Variants in MASTL observed in about 807,000 individuals in gnomAD.
MASTL encodes microtubule associated serine/threonine kinase like, also known as serine/threonine-protein kinase greatwall.
In MASTL, 54 loss-of-function variants were observed where a neutral mutation model predicts 82.5. That is an observed-to-expected ratio of 0.65 (90% CI 0.53 to 0.82). The LOEUF is 0.82. MASTL is among the 40% of genes least tolerant of loss of function. The pLI is 0.00. For missense variants in MASTL, 950 were observed against 1,047.8 expected, an observed-to-expected ratio of 0.91 and a Z score of 1.29; for synonymous variants, 323 against 368.9, an observed-to-expected ratio of 0.88 and a Z score of 1.43.
intron 7 of MASTL, among the ~76,000 whole-genome samples, chr10:27,168,981 A>G (rs2057829057): frequency 6.6e-6 from 1 of 152,082 alleles, no homozygotes; most frequent in Admixed American, 6.6e-5. Context: ...CCAAGCACCA[A>G]TTTGCAATAT....
intron 11 of MASTL, among the ~76,000 whole-genome samples, chr10:27,181,976 G>A (rs12254121): frequency 0.1 from 15,634 of 151,438 alleles, 2,689 homozygotes; most frequent in African/African-American, 0.36. Flanking sequence ...TTGGGAGGCT[G>A]AGGCAGGAGA....
At position 27,170,635 on chromosome 10, in the gene MASTL, A is replaced by T. The variant is rs1478797944; in HGVS notation, c.1676A>T (p.Asp559Val). ...LSSSFLCSDD[D>V]RASKNISMNS... ...TCTAGTTTTCTATGTTCTGATGATG[A>T]TAGAGCTTCTAAAAATATTTCTATG... is the stretch of plus-strand genomic sequence containing the variant. The change falls in exon 8 of 12, where the codon GAT (aspartate) becomes GTT (valine). Residue 559 changes from aspartate (D) to valine (V), a missense_variant. Physicochemically the swap from Asp to Val is radical, Grantham distance 152. Transcript: ENST00000375940. The T allele has an allele frequency of 1.2e-6, 2 of 1,607,758 alleles. No homozygotes were observed. The highest frequency in any genetic ancestry group is 3.4e-5 in the Admixed American group (2 of 58,682).
Position 27,155,520 on chromosome 10 carries a change from A to T in MASTL, c.94A>T (p.Ile32Phe). 6.2e-7 allele frequency: 1 copy of T among 1,614,214 alleles called. No homozygotes were observed. The highest frequency in any genetic ancestry group is 8.5e-7 in the Non-Finnish European group (1 of 1,180,018). ...GATCGCAGTGCCAAAACCGCCCTCC[A>T]TTGAGGAATTCAGCATAGTGAAGCC... ...NRIAVPKPPS[I>F]EEFSIVKPIS... Residue 32 changes from isoleucine (I) to phenylalanine (F), a missense_variant, in exon 1 of 12, where the codon ATT (isoleucine) becomes TTT (phenylalanine). Coordinates refer to ENST00000375940, the MANE Select transcript of MASTL (RefSeq NM_001172303.3).
intron 7 of MASTL, 70 bp from the exon 8 acceptor site, chr10:27,169,874 C>T (rs760850628): frequency 2.8e-5 from 41 of 1,490,546 alleles, no homozygotes; most frequent in East Asian, 6.9e-5. Context: ...CCTACCTTAA[C>T]GGACCATAGT....
In MASTL at chr10:27,165,681, C is replaced by T. The variant is rs576141081; in HGVS notation, c.811+142C>T. On this transcript the variant is annotated intron_variant, in intron 6 of 11. Transcript: ENST00000375940. ...AGGCTGGAGTGCAATGGCGCGATCT[C>T]GGCGGCTCACTGCAACCCAGGAGTT... is the stretch of plus-strand genomic sequence containing the variant. The T allele has an allele frequency of 3.0e-4, 275 of 928,310 alleles. 3 individuals are homozygous for T. The South Asian group carries it at 3.3e-3, about 11-fold the overall frequency. 57.5% of individuals were successfully genotyped at this position (928,310 alleles called of 1,614,324 possible).
rs141580751 is a variant in MASTL, at chr10:27,170,911, A to C, written c.1952A>C (p.Asn651Thr). 12 of 1,614,060 alleles carry C rather than the reference A, an allele frequency of 7.4e-6. No individual in the cohort carries two copies. In the African/African-American group the frequency reaches 1.5e-4, roughly 20 times the overall value. Residue 651 changes from asparagine to threonine, a missense_variant, in exon 8 of 12, where the codon AAT becomes ACT. Coordinates refer to ENST00000375940, the MANE Select transcript of MASTL (RefSeq NM_001172303.3). ...EVLKTLASKR[N>T]AVAFRSFNSH... ...CTGAAAACGTTAGCCTCTAAAAGAAATGCTGTTGCTTTTCGAAGTTTTAAC... is the reference window on the plus strand; with the variant it reads ...CTGAAAACGTTAGCCTCTAAAAGAACTGCTGTTGCTTTTCGAAGTTTTAAC...
rs2058809194 is a variant in MASTL, at chr10:27,187,091, G to T, written c.*555G>T. On this transcript the variant is annotated 3_prime_UTR_variant, in exon 12 of 12. Transcript: ENST00000375940. ...CCGAGGCAGGCTGATCTTGAGGTCA[G>T]GAGTTCAAGACCATCCTGGCCAACA... 6.6e-6 allele frequency among the ~76,000 whole-genome samples: 1 copy of T among 152,040 alleles called. No homozygotes were observed. Among genetic ancestry groups the T allele is most frequent in the African/African-American group, 2.4e-5 (1 of 41,406 alleles).
chr10:27,168,741 C>T (rs529652711), intron 7 of MASTL, among the ~76,000 whole-genome samples: 120 of 152,140 alleles, frequency 7.9e-4, no homozygotes, highest in South Asian at 3.5e-3. Flanking sequence ...TGCTTGAACC[C>T]GGGAGGCAGA....
chr10:27,169,164 T>A lies in MASTL; in HGVS notation c.985-780T>A, dbSNP rs1301089892. Among the ~76,000 whole-genome samples the A allele has an allele frequency of 2.0e-5, 3 of 152,184 alleles. No homozygotes were observed. The East Asian group carries it at 5.8e-4, about 29-fold the overall frequency. ...GTCATTTCATCCTTATCAGCTTGGTTTTTTAATACTTATATGAAGTGATAT... is the reference window on the plus strand; with the variant it reads ...GTCATTTCATCCTTATCAGCTTGGTATTTTAATACTTATATGAAGTGATAT... On this transcript the variant is annotated intron_variant, in intron 7 of 11. Transcript: ENST00000375940.
At chr10:27,182,090 A>T (rs1456160981) in intron 11 of MASTL, among the ~76,000 whole-genome samples, 1 of 151,378 alleles carries the variant, frequency 6.6e-6, no homozygotes, top group Admixed American at 6.6e-5. Flanking sequence ...AAAAAAAAAA[A>T]AATACAAAAA....
chr10:27,178,775 C>A (rs1041462402), intron 9 of MASTL, among the ~76,000 whole-genome samples: 1 of 151,640 alleles, frequency 6.6e-6, no homozygotes, highest in Non-Finnish European at 1.5e-5. Flanking sequence ...CTAATTCCCC[C>A]CTACTTTTCT....
At chr10:27,173,411 A>G (rs898332508) in intron 9 of MASTL, 152 bp downstream of exon 9, 2 of 829,278 alleles carry the variant, frequency 2.4e-6, no homozygotes, top group Non-Finnish European at 3.8e-6. Flanking sequence ...GTCATAGGAA[A>G]ATAAACTAGC....
chr10:27,182,885 G>A (rs766880887), intron 11 of MASTL, among the ~76,000 whole-genome samples: 8 of 151,672 alleles, frequency 5.3e-5, no homozygotes, highest in Non-Finnish European at 1.0e-4. Context: ...TGGGCTCAAA[G>A]GATCCTCCCA....
At chr10:27,177,104 C>T (rs2058125984) in intron 9 of MASTL, among the ~76,000 whole-genome samples, 1 of 152,076 alleles carries the variant, frequency 6.6e-6, no homozygotes, top group Non-Finnish European at 1.5e-5. Context: ...TGTTCAGCCT[C>T]CCAAAGTGCT....
At chr10:27,156,665 G>T (rs771266431) in intron 1 of MASTL, among the ~76,000 whole-genome samples, 6 of 148,844 alleles carry the variant, frequency 4.0e-5, no homozygotes, top group African/African-American at 1.5e-4. Context: ...ATGCCTGGCT[G>T]ATTTGTGTAG....
At chr10:27,181,203 G>A (rs1297216012) in intron 10 of MASTL, 137 bp downstream of exon 10, 3 of 679,672 alleles carry the variant, frequency 4.4e-6, no homozygotes, top group Non-Finnish European at 7.9e-6. Flanking sequence ...TGGCCAACAT[G>A]GTAAAACCCC....
At chr10:27,155,273 G>A (rs540017262), upstream of MASTL, 5 of 726,544 alleles carry the variant, frequency 6.9e-6, no homozygotes, top group East Asian at 1.1e-4. Flanking sequence ...CTCCGTCCGC[G>A]TCTGCGTAGG....
chr10:27,168,914 T>G (rs1284934080), intron 7 of MASTL, among the ~76,000 whole-genome samples: 1 of 152,218 alleles, frequency 6.6e-6, no homozygotes, highest in Non-Finnish European at 1.5e-5. Context: ...AAATAAGCAC[T>G]ATTAGAGTTT....
At chr10:27,162,913 TTTTG>T (rs776654167) in intron 4 of MASTL, among the ~76,000 whole-genome samples, 4 of 152,044 alleles carry the variant, frequency 2.6e-5, no homozygotes, top group Admixed American at 6.6e-5. Context: ...ATTTATAGTC[TTTTG>T]TTTGTTTGTT....
Sources: gnomAD v4.1 joint callset for allele counts (sites outside exome capture counted in the v4.1 genomes callset) on GRCh38, gnomAD v4.1.1 for gene constraint, MANE v1.5 for transcripts, NCBI Gene and HGNC (gene_info 2026-07-23, HGNC 2026-07-21) for gene names.